Variants in IZUMO1 observed in about 807,000 individuals in gnomAD.
IZUMO1 encodes izumo sperm-oocyte fusion 1, also known as izumo sperm-egg fusion protein 1.
Under a neutral mutation model 40.7 loss-of-function variants are expected in IZUMO1, and 44 were observed. The ratio of observed to expected loss-of-function variants is 1.08; its 90% CI spans 0.85 to 1.39. The LOEUF is 1.39. Among genes scored for constraint, IZUMO1 ranks in the 40% most tolerant of loss-of-function variants. The pLI, the probability that IZUMO1 is intolerant of heterozygous loss-of-function variation, is 0.00. For synonymous variants in IZUMO1, 149 were observed against 170.9 expected, an observed-to-expected ratio of 0.87 and a Z score of 1.00; for missense variants, 368 against 436.9, an observed-to-expected ratio of 0.84 and a Z score of 1.41.
At chr19:48,745,379 G>A in intron 2 of IZUMO1, 91 bp from the exon 3 acceptor site, 1 of 1,233,732 alleles carries the variant, frequency 8.1e-7, no homozygotes, top group Middle Eastern at 1.9e-4. Context: ...AGGCCACTGG[G>A]CAAAGATAGG....
At chr19:48,745,408 C>A in intron 2 of IZUMO1, 120 bp from the exon 3 acceptor site, 6 of 1,049,208 alleles carry the variant, frequency 5.7e-6, no homozygotes, top group Middle Eastern at 2.1e-4. Flanking sequence ...AGGACTCAGC[C>A]GCCCGTTGCC....
At chr19:48,745,499 G>A in intron 2 of IZUMO1, 126 bp downstream of exon 2, 1 of 1,221,548 alleles carries the variant, frequency 8.2e-7, no homozygotes, top group Non-Finnish European at 1.2e-6. Context: ...GGGGAACCTC[G>A]GAATCTGCAT....
Position 48,746,762 on chromosome 19 carries a change from T to C in IZUMO1, c.-401A>G. On this transcript the variant is annotated 5_prime_UTR_variant, in exon 1 of 10. Coordinates refer to ENST00000332955, the MANE Select transcript of IZUMO1 (RefSeq NM_182575.3). Reference sequence around the variant, plus strand: ...CCCAGGGGTAAAATCAAGGATTGTGTTGGGGACGAGGGTAAGGTTGGTTGC... The same window carrying C: ...CCCAGGGGTAAAATCAAGGATTGTGCTGGGGACGAGGGTAAGGTTGGTTGC... 1 of 985,394 alleles carries C rather than the reference T, an allele frequency of 1.0e-6. No homozygotes were observed. The highest frequency in any genetic ancestry group is 1.7e-5 in the African/African-American group (1 of 57,324). 61.0% of individuals were successfully genotyped at this position (985,394 alleles called of 1,614,324 possible).
intron 6 of IZUMO1, among the ~76,000 whole-genome samples, chr19:48,742,787 G>A (rs2033757461): frequency 6.9e-6 from 1 of 144,214 alleles, no homozygotes; most frequent in African/African-American, 2.6e-5. Flanking sequence ...GAGTGCAGTG[G>A]CGCGATCTTA....
At chr19:48,746,061 A>C in intron 1 of IZUMO1, 129 bp from the exon 2 acceptor site, 3 of 1,415,082 alleles carry the variant, frequency 2.1e-6, no homozygotes, top group Non-Finnish European at 9.2e-7. Flanking sequence ...CCTTCATCAA[A>C]TGCCTCCGAA....
rs761034105 is a variant in IZUMO1, at chr19:48,745,799, C to CCT, written c.59_60dup (p.Gly21ArgfsTer14). On this transcript the variant is annotated frameshift_variant, in exon 2 of 10. Coordinates refer to ENST00000332955, the MANE Select transcript of IZUMO1 (RefSeq NM_182575.3). LOFTEE classifies it high-confidence loss of function. ...ACAGACGGGTCACATATAACACACC[C>CCT]CTCGGCAGGAAGCAAGCAACCGGCC... 2.2e-5 allele frequency: 36 copies of CCT among 1,614,098 alleles called. 1 individual carries two copies. The highest frequency in any genetic ancestry group is 3.1e-5 in the Non-Finnish European group (36 of 1,180,050).
chr19:48,744,344 C>T (rs11672046), intron 4 of IZUMO1, 109 bp downstream of exon 4: 513,842 of 1,166,292 alleles, frequency 0.44, 120,545 homozygotes, highest in East Asian at 0.85. Context: ...AAGGAGGAGG[C>T]AGTTGGGGAA....
chr19:48,744,187 G>C lies in IZUMO1; in HGVS notation c.406C>G (p.Pro136Ala), dbSNP rs973441159. 6.2e-7 allele frequency: 1 copy of C among 1,613,324 alleles called. No homozygotes were observed. The highest frequency in any genetic ancestry group is 8.5e-7 in the Non-Finnish European group (1 of 1,179,468). The change falls in exon 5 of 10, where the codon CCC becomes GCC. Residue 136 changes from proline (P) to alanine (A), a missense_variant. Coordinates refer to ENST00000332955, the MANE Select transcript of IZUMO1 (RefSeq NM_182575.3). ...VARFQKEAYC[P>A]NKCGVMLQTL... Reference sequence around the variant, plus strand: ...AATCCAGACTCACCACATTTGTTGGGACAATAAGCTGTGTCAAAAGAGAAA... The same window carrying C: ...AATCCAGACTCACCACATTTGTTGGCACAATAAGCTGTGTCAAAAGAGAAA...
chr19:48,742,857 G>A (rs754455016), intron 6 of IZUMO1, among the ~76,000 whole-genome samples: 3 of 149,962 alleles, frequency 2.0e-5, no homozygotes, highest in Non-Finnish European at 4.4e-5. Flanking sequence ...CTCCTGAGTA[G>A]CTGGGATTAC....
rs914539336 is a variant in IZUMO1, at chr19:48,746,112, G to A, written c.-73-180C>T. 2.2e-5 allele frequency: 30 copies of A among 1,353,102 alleles called. No homozygotes were observed. In the Admixed American group the frequency reaches 8.9e-4, roughly 40 times the overall value. 83.8% of individuals were successfully genotyped at this position (1,353,102 alleles called of 1,614,324 possible). A position where few individuals can be genotyped will look rare whatever the true frequency, so the allele number is the denominator to read the frequency against. ...CCAATCCAGGGGACCCAAAATTTAG[G>A]GTTCTCACTGAATCCCCCAACTGAG... On this transcript the variant is annotated intron_variant, in intron 1 of 9. Coordinates refer to ENST00000332955, the MANE Select transcript of IZUMO1 (RefSeq NM_182575.3).
At position 48,741,347 on chromosome 19, in the gene IZUMO1, G is replaced by A; in HGVS notation, c.886C>T (p.Leu296=). 1.9e-6 allele frequency: 3 copies of A among 1,611,516 alleles called. No homozygotes were observed. The highest frequency in any genetic ancestry group is 2.5e-6 in the Non-Finnish European group (3 of 1,179,580). ...AGTGCTAGGGAGCCGCAGATCAGCA[G>A]CCCCAGAAGGCGGCTTGCCAGCATT... is the stretch of plus-strand genomic sequence containing the variant. ...EKMLASRLLG[L]LICGSLALIT... The change falls in exon 9 of 10, where the codon CTG becomes TTG. Residue 296 remains leucine (L), a synonymous_variant. Transcript: ENST00000332955. This position sits in a 1 kb window ranked among gnomAD's most constrained non-coding sequence, Gnocchi z 4.4.
intron 5 of IZUMO1, 174 bp from the exon 6 acceptor site, chr19:48,743,699 A>G (rs2033792226): frequency 3.2e-6 from 2 of 624,764 alleles, no homozygotes; most frequent in Admixed American, 2.6e-5. Context: ...CTCAGTAAAG[A>G]TTGTAAGTAG....
At position 48,743,810 on chromosome 19, in the gene IZUMO1, G is replaced by A. The variant is rs146182024; in HGVS notation, c.419-285C>T. ...GTTCAAGACTAGCCTGACCAACATGGTGAAACCCCGTCTCTGCTAAAAATA... is the reference window on the plus strand; with the variant it reads ...GTTCAAGACTAGCCTGACCAACATGATGAAACCCCGTCTCTGCTAAAAATA... On this transcript the variant is annotated intron_variant, in intron 5 of 9. Transcript: ENST00000332955. The A allele has an allele frequency of 1.0e-3, 499 of 494,942 alleles. 2 individuals are homozygous for A. The highest frequency in any genetic ancestry group is 8.3e-3 in the African/African-American group (428 of 51,390). 30.7% of individuals were successfully genotyped at this position (494,942 alleles called of 1,614,324 possible). A position where few individuals can be genotyped will look rare whatever the true frequency, so the allele number is the denominator to read the frequency against.
At chr19:48,742,063 G>A (rs1396859954) in intron 7 of IZUMO1, 121 bp from the exon 8 acceptor site, 1 of 1,525,522 alleles carries the variant, frequency 6.6e-7, no homozygotes, top group East Asian at 2.3e-5. Context: ...CACTGGTCAG[G>A]GCACGGGGTC....
rs528912735 is a variant in IZUMO1, at chr19:48,745,995, C to T, written c.-73-63G>A. ...CCACTGGGCCGCCTATCCATGGGGTCCGCAAACCTCGAAAAGAGGATCTTC... is the reference window on the plus strand; with the variant it reads ...CCACTGGGCCGCCTATCCATGGGGTTCGCAAACCTCGAAAAGAGGATCTTC... On this transcript the variant is annotated intron_variant, in intron 1 of 9. Coordinates refer to ENST00000332955, the MANE Select transcript of IZUMO1 (RefSeq NM_182575.3). 4.1e-6 allele frequency: 6 copies of T among 1,465,636 alleles called. No homozygotes were observed. In the African/African-American group the frequency reaches 5.7e-5, roughly 14 times the overall value. 90.8% of individuals were successfully genotyped at this position (1,465,636 alleles called of 1,614,324 possible). A position where few individuals can be genotyped will look rare whatever the true frequency, so the allele number is the denominator to read the frequency against.
chr19:48,744,187 G>A lies in IZUMO1; in HGVS notation c.406C>T (p.Pro136Ser), dbSNP rs973441159. Reference sequence around the variant, plus strand: ...AATCCAGACTCACCACATTTGTTGGGACAATAAGCTGTGTCAAAAGAGAAA... The same window carrying A: ...AATCCAGACTCACCACATTTGTTGGAACAATAAGCTGTGTCAAAAGAGAAA... ...VARFQKEAYC[P>S]NKCGVMLQTL... The change falls in exon 5 of 10, where the codon CCC becomes TCC. Residue 136 changes from proline (P) to serine (S), a missense_variant. Physicochemically the swap from Pro to Ser is moderately conservative, Grantham distance 74. Coordinates refer to ENST00000332955, the MANE Select transcript of IZUMO1 (RefSeq NM_182575.3). 2 of 1,613,324 alleles carry A rather than the reference G, an allele frequency of 1.2e-6. No homozygotes were observed. Among genetic ancestry groups the A allele is most frequent in the African/African-American group, 2.7e-5 (2 of 74,894 alleles).
intron 6 of IZUMO1, 159 bp downstream of exon 6, chr19:48,743,286 G>A (rs548504426): frequency 9.4e-6 from 6 of 641,384 alleles, no homozygotes; most frequent in South Asian, 5.8e-5. Flanking sequence ...TCAGCCTCTC[G>A]AAGTGCGAGA....
chr19:48,743,198 T>A (rs939966144), intron 6 of IZUMO1: 1 of 513,312 alleles, frequency 1.9e-6, no homozygotes, highest in African/African-American at 1.9e-5. Context: ...GACTAATTTT[T>A]AAATTTTTTT....
Position 48,741,930 on chromosome 19 carries a change from T to A in IZUMO1, c.613A>T (p.Asn205Tyr), listed in dbSNP as rs1413665506. 2 of 1,603,934 alleles carry A rather than the reference T, an allele frequency of 1.2e-6. No individual in the cohort carries two copies. The highest frequency in any genetic ancestry group is 3.3e-4 in the Middle Eastern group (2 of 6,032). Residue 205 changes from asparagine to tyrosine, a missense_variant, in exon 8 of 10, where the codon AAT becomes TAT. Physicochemically the swap from Asn to Tyr is moderately radical, Grantham distance 143. Coordinates refer to ENST00000332955, the MANE Select transcript of IZUMO1 (RefSeq NM_182575.3). The surrounding 1 kb of genome is among the most constrained non-coding windows in gnomAD (Gnocchi z 4.4). ...DYSFYRVWGNNTETLVSKGKE... is the reference protein window; with the variant it reads ...DYSFYRVWGNYTETLVSKGKE... ...CCCTTGGACACCAAGGTCTCCGTAT[T>A]GTTCCCCCAAACCTAGACCCAAGCT... is the stretch of plus-strand genomic sequence containing the variant.
Sources: gnomAD v4.1 joint callset for allele counts (sites outside exome capture counted in the v4.1 genomes callset) on GRCh38, gnomAD v4.1.1 for gene constraint, Gnocchi (gnomAD v3.1) non-coding constraint, MANE v1.5 for transcripts, NCBI Gene and HGNC (gene_info 2026-07-23, HGNC 2026-07-21) for gene names.